CELF2: variants seen among roughly 807,000 people sequenced by gnomAD.
The protein encoded by CELF2 is CUGBP Elav-like family member 2.
In CELF2, 8 loss-of-function variants were observed where a neutral mutation model predicts 62.6. That is an observed-to-expected ratio of 0.13 (90% CI 0.07 to 0.23). The LOEUF (loss-of-function observed/expected upper bound fraction) is 0.23. Ranked by LOEUF, CELF2 falls within the 10% of genes least tolerant of loss-of-function variation. The pLI, the probability that CELF2 is intolerant of heterozygous loss-of-function variation, is 1.00. For missense variants in CELF2, 333 were observed against 671.0 expected (o/e 0.50, Z 5.56); for synonymous variants, 258 against 250.0 (o/e 1.03, Z -0.30).
At chr10:10,578,523 T>G in the CELF2 span, among the ~76,000 whole-genome samples, 1 of 152,182 alleles carries the variant, frequency 6.6e-6, no homozygotes, top group Non-Finnish European at 1.5e-5. Flanking sequence ...TAATCCATCT[T>G]GAATTAATTT....
chr10:10,944,817 G>T (rs891388475), intron 2 of CELF2, among the ~76,000 whole-genome samples: 9 of 152,064 alleles, frequency 5.9e-5, no homozygotes, highest in African/African-American at 9.7e-5. Context: ...TGGCCAGGCT[G>T]GTCCCGAACA....
the CELF2 span, among the ~76,000 whole-genome samples, chr10:10,604,806 C>G: frequency 1.3e-5 from 2 of 152,172 alleles, no homozygotes; most frequent in Non-Finnish European, 2.9e-5. Flanking sequence ...AATTGAAATA[C>G]TTTTGATGTC....
In CELF2 at chr10:11,286,521, A is replaced by G. The variant is rs1379582265; in HGVS notation, c.842-1897A>G. 7.2e-5 allele frequency among the ~76,000 whole-genome samples: 11 copies of G among 152,198 alleles called. No homozygotes were observed. The East Asian group carries it at 1.9e-3, about 27-fold the overall frequency. On this transcript the variant is annotated intron_variant, in intron 8 of 12. Transcript: ENST00000633077. The stretch of plus-strand genomic sequence containing the variant: ...TGGTGCTCCCTCACACTCAAGTCAA[A>G]CATGCATTCATGTGTTTGTAGGAAA...
Position 11,332,900 on chromosome 10 carries a change from TAAC to T in CELF2, c.*3852_*3854del, listed in dbSNP as rs1212079023. On this transcript the variant is annotated 3_prime_UTR_variant, in exon 13 of 13. Transcript: ENST00000633077. Reference sequence around the variant, plus strand: ...GTACTTTCTGCAGCAATCAGCTTAATAACAACACTTATTGCACCTGTCTCTCTC... The same window carrying T: ...GTACTTTCTGCAGCAATCAGCTTAATAACACTTATTGCACCTGTCTCTCTC... The T allele has an allele frequency of 6.5e-6, 1 of 152,684 alleles. No individual in the cohort carries two copies. The highest frequency in any genetic ancestry group is 2.4e-5 in the African/African-American group (1 of 41,468). The allele number at this position is 152,684 out of a possible 1,614,324, so 9.5% of individuals were successfully genotyped here.
At chr10:10,738,548 C>T in the CELF2 span, among the ~76,000 whole-genome samples, 2 of 152,200 alleles carry the variant, frequency 1.3e-5, no homozygotes, top group Admixed American at 6.5e-5. Context: ...GCAAGCCTCA[C>T]CACCCCAGTC....
At chr10:10,738,821 G>A in the CELF2 span, among the ~76,000 whole-genome samples, 9 of 152,244 alleles carry the variant, frequency 5.9e-5, 1 homozygote, top group African/African-American at 2.2e-4. Flanking sequence ...GATCATGGAA[G>A]GGAAAAAGAA....
At chr10:10,712,173 A>AAAC in the CELF2 span, among the ~76,000 whole-genome samples, 30 of 149,396 alleles carry the variant, frequency 2.0e-4, 1 homozygote, top group African/African-American at 7.0e-4. Flanking sequence ...AAAAAAAAAA[A>AAAC]CTGGAATCTC....
rs34715655 is a variant in CELF2, at chr10:11,211,739, A to AT, written c.272-5682dup. On this transcript the variant is annotated intron_variant, in intron 2 of 12. Transcript: ENST00000633077. This position sits in a 1 kb window ranked among gnomAD's most constrained non-coding sequence, Gnocchi z 4.8. The stretch of plus-strand genomic sequence containing the variant: ...CAGTACAGTTGAGTGTTTCTTTATG[A>AT]TTTTAAACACACTACTGTGTGTGAG... Among the ~76,000 whole-genome samples the AT allele has an allele frequency of 2.0e-5, 3 of 149,168 alleles. No homozygotes were observed. The East Asian group carries it at 6.0e-4, about 30-fold the overall frequency.
intron 1 of CELF2, among the ~76,000 whole-genome samples, chr10:11,140,773 T>C (rs2061216886): frequency 6.6e-6 from 1 of 152,170 alleles, no homozygotes; most frequent in African/African-American, 2.4e-5. Flanking sequence ...CCCAGCACTT[T>C]GGGAGACCAA....
chr10:11,251,935 C>G (rs1265472665), intron 4 of CELF2, among the ~76,000 whole-genome samples: 1 of 152,206 alleles, frequency 6.6e-6, no homozygotes, highest in African/African-American at 2.4e-5. Context: ...CGAAGCATAG[C>G]TCTGTATGTA....
intron 2 of CELF2, among the ~76,000 whole-genome samples, chr10:11,201,901 C>T (rs1009031408): frequency 4.0e-5 from 6 of 151,782 alleles, no homozygotes; most frequent in East Asian, 1.9e-4. Context: ...TTGGTACCTT[C>T]GTTGCAGTTT....
At chr10:10,517,948 C>A in the CELF2 span, among the ~76,000 whole-genome samples, 3 of 152,316 alleles carry the variant, frequency 2.0e-5, no homozygotes, top group Admixed American at 6.5e-5. Flanking sequence ...TTGCCAGTTT[C>A]TTATATAAAT....
chr10:10,940,425 G>T lies in CELF2; in HGVS notation c.89+20426G>T, dbSNP rs558988331. On this transcript the variant is annotated intron_variant, in intron 2 of 13. Coordinates refer to the CELF2 transcript ENST00000636488. The stretch of plus-strand genomic sequence containing the variant: ...GCTCCTTTGTCATGCAGGGAAAGGA[G>T]TAGTGTGGACTGAGGAGTGCATTTT... Among the ~76,000 whole-genome samples, 20 of 152,292 alleles carry T rather than the reference G, an allele frequency of 1.3e-4. No individual in the cohort carries two copies. In the East Asian group the frequency reaches 2.1e-3, roughly 16 times the overall value.
the CELF2 span, among the ~76,000 whole-genome samples, chr10:10,573,419 G>A: frequency 1.3e-5 from 2 of 152,062 alleles, no homozygotes; most frequent in Admixed American, 1.3e-4. Flanking sequence ...TGAAATCTTT[G>A]CCTTTATAGA....
chr10:11,018,217 C>A, intron 1 of CELF2, 54 bp downstream of exon 1: 2 of 1,456,062 alleles, frequency 1.4e-6, no homozygotes, highest in South Asian at 2.5e-5. Flanking sequence ...CTCCCAGAGT[C>A]GGCGGCGCGA....
chr10:11,221,102 G>A (rs1046272686), intron 3 of CELF2, among the ~76,000 whole-genome samples: 2 of 152,234 alleles, frequency 1.3e-5, no homozygotes, highest in Non-Finnish European at 2.9e-5. Context: ...CACTGTGAGT[G>A]TATCTGCACA....
chr10:11,186,296 CTT>C (rs57327671), intron 2 of CELF2, among the ~76,000 whole-genome samples: 3,909 of 115,492 alleles, frequency 0.034, 136 homozygotes, highest in African/African-American at 0.12. Context: ...GGTTTTGTTG[CTT>C]TTTTTTTTTT....
At chr10:11,200,329 A>G (rs2058937930) in intron 2 of CELF2, among the ~76,000 whole-genome samples, 1 of 152,232 alleles carries the variant, frequency 6.6e-6, no homozygotes. Flanking sequence ...CCGTACCAAA[A>G]TGCTAAAAGC....
chr10:10,981,902 G>A (rs1223329373), intron 2 of CELF2, among the ~76,000 whole-genome samples: 1 of 150,528 alleles, frequency 6.6e-6, no homozygotes, highest in Admixed American at 6.6e-5. Context: ...CAATTTCCAA[G>A]CCTCCACTTG....
Sources: gnomAD v4.1 joint callset for allele counts (sites outside exome capture counted in the v4.1 genomes callset) on GRCh38, gnomAD v4.1.1 for gene constraint, Gnocchi (gnomAD v3.1) non-coding constraint, MANE v1.5 for transcripts, NCBI Gene and HGNC (gene_info 2026-07-23, HGNC 2026-07-21) for gene names.